CDKN2B-AS1: variants seen among roughly 807,000 people sequenced by gnomAD.
CDKN2B-AS1 encodes CDKN2B and CDKN2A antisense cis and trans regulatory RNA 1, also known as CDKN2B antisense RNA 1 (non-protein coding).
intron 4 of CDKN2B-AS1, among the ~76,000 whole-genome samples, chr9:22,087,949 C>T (rs923626664): frequency 5.9e-5 from 9 of 152,196 alleles, no homozygotes; most frequent in Non-Finnish European, 1.2e-4. Flanking sequence ...CTTGCTGTCT[C>T]TGTTGAAAGG....
At chr9:22,049,499 C>T (rs1191018806) in intron 3 of CDKN2B-AS1, among the ~76,000 whole-genome samples, 1 of 152,114 alleles carries the variant, frequency 6.6e-6, no homozygotes, top group Admixed American at 6.6e-5. Flanking sequence ...ACACTGCATC[C>T]TCTATGTCAC....
At chr9:22,094,243 C>A (rs1825198425) in intron 4 of CDKN2B-AS1, among the ~76,000 whole-genome samples, 1 of 143,482 alleles carries the variant, frequency 7.0e-6, no homozygotes, top group Non-Finnish European at 1.5e-5. Context: ...CTCTGGCTGC[C>A]CTTAACATTT....
chr9:22,098,193 A>G (rs935553434), intron 4 of CDKN2B-AS1, among the ~76,000 whole-genome samples: 3 of 150,196 alleles, frequency 2.0e-5, no homozygotes, highest in Non-Finnish European at 4.4e-5. Flanking sequence ...GTGTATTTAT[A>G]TATGTGTGTA....
intron 4 of CDKN2B-AS1, among the ~76,000 whole-genome samples, chr9:22,125,557 C>T (rs1402266516): frequency 1.3e-5 from 2 of 152,068 alleles, no homozygotes; most frequent in Admixed American, 6.6e-5. Flanking sequence ...ACTGTGTTGA[C>T]AAAAGTATGC....
intron 1 of CDKN2B-AS1, among the ~76,000 whole-genome samples, chr9:22,011,011 G>A (rs576393641): frequency 5.3e-5 from 8 of 152,200 alleles, no homozygotes; most frequent in Non-Finnish European, 8.8e-5. Flanking sequence ...AATCTTGCAC[G>A]AGGCAGATGT....
chr9:22,082,491 C>A (rs1451754142), intron 4 of CDKN2B-AS1, among the ~76,000 whole-genome samples: 1 of 152,184 alleles, frequency 6.6e-6, no homozygotes, highest in African/African-American at 2.4e-5. Context: ...AGACTTGGAA[C>A]TGAGTCCATT....
At chr9:22,073,346 C>A (rs1039490231) in intron 4 of CDKN2B-AS1, among the ~76,000 whole-genome samples, 6 of 152,162 alleles carry the variant, frequency 3.9e-5, no homozygotes, top group Non-Finnish European at 8.8e-5. Context: ...CCAACCATAA[C>A]TGACCCCTGC....
At chr9:22,105,917 G>A (rs74391948) in intron 4 of CDKN2B-AS1, among the ~76,000 whole-genome samples, 211 of 152,244 alleles carry the variant, frequency 1.4e-3, no homozygotes, top group Non-Finnish European at 2.9e-3. Flanking sequence ...TGTTTTTTGA[G>A]ATGGAGTCAG....
At chr9:22,108,577 A>T (rs1281894153) in intron 4 of CDKN2B-AS1, among the ~76,000 whole-genome samples, 1 of 152,216 alleles carries the variant, frequency 6.6e-6, no homozygotes, top group Non-Finnish European at 1.5e-5. Flanking sequence ...CTTAACAAAC[A>T]TGGAGGCTTA....
intron 1 of CDKN2B-AS1, among the ~76,000 whole-genome samples, chr9:22,014,115 T>A (rs1423051002): frequency 1.3e-5 from 2 of 152,296 alleles, no homozygotes; most frequent in Non-Finnish European, 2.9e-5. Flanking sequence ...ATATTCTAAT[T>A]TTACTATTCC....
At chr9:22,098,794 T>C (rs1825379566) in intron 4 of CDKN2B-AS1, among the ~76,000 whole-genome samples, 1 of 152,170 alleles carries the variant, frequency 6.6e-6, no homozygotes, top group African/African-American at 2.4e-5. Context: ...TGACTTCAGA[T>C]CCCATGTACT....
At chr9:22,071,383 T>A (rs1346906251) in intron 4 of CDKN2B-AS1, among the ~76,000 whole-genome samples, 1 of 147,140 alleles carries the variant, frequency 6.8e-6, no homozygotes, top group African/African-American at 2.5e-5. Flanking sequence ...CACAGCAAAT[T>A]TTTAAAGCAT....
Position 22,101,638 on chromosome 9 carries a change from C to T in CDKN2B-AS1, n.439-25465C>T, listed in dbSNP as rs566895439. 2.7e-5 allele frequency among the ~76,000 whole-genome samples: 4 copies of T among 150,352 alleles called. 1 individual carries two copies. The highest frequency in any genetic ancestry group is 9.8e-5 in the African/African-American group (4 of 40,644). On this transcript the variant is annotated intron_variant and non_coding_transcript_variant, in intron 4 of 4. Coordinates refer to ENST00000650946, the Ensembl canonical transcript of CDKN2B-AS1. Reference sequence around the variant, plus strand: ...TATTTTTCCTTCTAAAATAATCACACGTTTCATTGCAACCCTAACCCTCTT... The same window carrying T: ...TATTTTTCCTTCTAAAATAATCACATGTTTCATTGCAACCCTAACCCTCTT...
At chr9:22,060,731 CAGTT>C (rs1352292048) in intron 4 of CDKN2B-AS1, among the ~76,000 whole-genome samples, 3 of 152,162 alleles carry the variant, frequency 2.0e-5, no homozygotes, top group Non-Finnish European at 4.4e-5. Flanking sequence ...ATTGGACTTA[CAGTT>C]AGTTCCACAT....
intron 4 of CDKN2B-AS1, among the ~76,000 whole-genome samples, chr9:22,072,865 C>T (rs556538406): frequency 1.3e-5 from 2 of 152,278 alleles, no homozygotes; most frequent in South Asian, 4.1e-4. Flanking sequence ...TTTAAGCTCT[C>T]CAGACTTCTA....
At chr9:22,008,823 T>A in intron 1 of CDKN2B-AS1, 1 of 1,607,346 alleles carries the variant, frequency 6.2e-7, no homozygotes, top group Non-Finnish European at 8.5e-7. Context: ...CCCGAAACGG[T>A]TGACTCCGTT....
At chr9:22,061,183 C>T (rs894221701) in intron 4 of CDKN2B-AS1, among the ~76,000 whole-genome samples, 5 of 152,310 alleles carry the variant, frequency 3.3e-5, no homozygotes, top group Admixed American at 3.3e-4. Flanking sequence ...ATTTGGCAAA[C>T]AGCAACCATG....
At chr9:22,086,204 A>T (rs1325395360) in intron 4 of CDKN2B-AS1, among the ~76,000 whole-genome samples, 1 of 152,192 alleles carries the variant, frequency 6.6e-6, no homozygotes, top group African/African-American at 2.4e-5. Flanking sequence ...GATAGCCCCA[A>T]GGAGCTTGAT....
intron 1 of CDKN2B-AS1, among the ~76,000 whole-genome samples, chr9:22,008,085 C>T (rs1821285778): frequency 6.6e-6 from 1 of 152,138 alleles, no homozygotes; most frequent in Non-Finnish European, 1.5e-5. Context: ...CGTACTTAAA[C>T]ATTGAATAAG....
Sources: gnomAD v4.1 joint callset for allele counts (sites outside exome capture counted in the v4.1 genomes callset) on GRCh38, gnomAD v4.1.1 for gene constraint, MANE v1.5 for transcripts, NCBI Gene and HGNC (gene_info 2026-07-23, HGNC 2026-07-21) for gene names.